The following GLIS3 variants were observed in gnomAD, a reference collection of about 807,000 sequenced individuals.
GLIS3 encodes the protein GLIS family zinc finger 3.
A neutral mutation model predicts 78.6 loss-of-function variants in GLIS3; 53 were observed. That is an observed-to-expected ratio of 0.67 (90% CI 0.54 to 0.85). GLIS3 has a LOEUF of 0.85. GLIS3 is among the 40% of genes least tolerant of loss of function. The pLI, the probability that GLIS3 is intolerant of heterozygous loss-of-function variation, is 0.00. For missense variants in GLIS3, 1,703 were observed against 1,231.1 expected, an observed-to-expected ratio of 1.38 and a Z score of -5.74; for synonymous variants, 684 against 509.9, an observed-to-expected ratio of 1.34 and a Z score of -4.60.
At chr9:4,073,536 G>A (rs1827791775) in intron 4 of GLIS3, among the ~76,000 whole-genome samples, 1 of 152,134 alleles carries the variant, frequency 6.6e-6, no homozygotes, top group African/African-American at 2.4e-5. Flanking sequence ...GGACAGGTAG[G>A]CAAAGCTAGC....
chr9:4,089,213 A>G (rs1017620150), intron 4 of GLIS3, among the ~76,000 whole-genome samples: 7 of 152,214 alleles, frequency 4.6e-5, no homozygotes, highest in African/African-American at 1.7e-4. Context: ...GTGGGGATGC[A>G]CTGATCCATT....
intron 8 of GLIS3, among the ~76,000 whole-genome samples, chr9:3,877,061 T>C (rs371774958): frequency 6.6e-6 from 1 of 152,144 alleles, no homozygotes; most frequent in Non-Finnish European, 1.5e-5. Context: ...TGTCTTATAT[T>C]CTTGTTAAGA....
chr9:3,878,329 A>G (rs1334440084), intron 8 of GLIS3, among the ~76,000 whole-genome samples: 1 of 152,226 alleles, frequency 6.6e-6, no homozygotes, highest in African/African-American at 2.4e-5. Context: ...GGGCAGGAGC[A>G]TATTTTAATA....
chr9:4,056,539 G>C (rs1294814358), intron 4 of GLIS3, among the ~76,000 whole-genome samples: 1 of 152,114 alleles, frequency 6.6e-6, no homozygotes, highest in African/African-American at 2.4e-5. Flanking sequence ...AGCTTTGCAG[G>C]AGACTTTCTA....
At chr9:4,438,394 A>G in the GLIS3 span, among the ~76,000 whole-genome samples, 2 of 152,210 alleles carry the variant, frequency 1.3e-5, no homozygotes, top group African/African-American at 2.4e-5. Flanking sequence ...AATGACAAAT[A>G]GACTTCATTT....
chr9:4,214,152 T>A (rs1037696291), intron 2 of GLIS3, among the ~76,000 whole-genome samples: 4 of 152,140 alleles, frequency 2.6e-5, no homozygotes, highest in Admixed American at 6.5e-5. Context: ...ATGGTGAAAG[T>A]TAATGGAACA....
intron 2 of GLIS3, among the ~76,000 whole-genome samples, chr9:4,198,264 G>A (rs150343782): frequency 0.013 from 2,008 of 152,182 alleles, 23 homozygotes; most frequent in Middle Eastern, 0.085. Context: ...ACTTTGTAAG[G>A]CAATCCAGGA....
chr9:3,918,373 C>T (rs892633578), intron 6 of GLIS3, among the ~76,000 whole-genome samples: 1 of 152,130 alleles, frequency 6.6e-6, no homozygotes, highest in Admixed American at 6.5e-5. Flanking sequence ...TTCAAAGATG[C>T]TTTGAAAAAC....
At chr9:4,208,873 A>G (rs1013497056) in intron 2 of GLIS3, among the ~76,000 whole-genome samples, 13 of 152,270 alleles carry the variant, frequency 8.5e-5, no homozygotes, top group African/African-American at 2.9e-4. Flanking sequence ...CTGTGGCTAG[A>G]AAGCCTCCAG....
At chr9:3,941,322 A>T (rs916662303) in intron 4 of GLIS3, among the ~76,000 whole-genome samples, 1 of 152,134 alleles carries the variant, frequency 6.6e-6, no homozygotes, top group East Asian at 1.9e-4. Flanking sequence ...TCCATCTCTT[A>T]CTGGAGACTC....
chr9:3,852,947 A>C (rs1443868504), intron 9 of GLIS3, among the ~76,000 whole-genome samples: 3 of 152,156 alleles, frequency 2.0e-5, no homozygotes. Flanking sequence ...GGTGACTCAC[A>C]CCTGTAATCC....
the GLIS3 span, among the ~76,000 whole-genome samples, chr9:4,434,505 G>A: frequency 6.6e-6 from 1 of 152,160 alleles, no homozygotes; most frequent in African/African-American, 2.4e-5. Context: ...TAGCATCTCA[G>A]GCAGGGAAAC....
chr9:4,469,329 A>G, the GLIS3 span, among the ~76,000 whole-genome samples: 1 of 152,184 alleles, frequency 6.6e-6, no homozygotes, highest in South Asian at 2.1e-4. Context: ...TCAACAGAAT[A>G]TACATTCTTT....
chr9:4,299,570 A>T lies in GLIS3; in HGVS notation c.-248T>A, dbSNP rs1381426684. On this transcript the variant is annotated 5_prime_UTR_variant, in exon 1 of 11. Coordinates refer to ENST00000381971, the MANE Select transcript of GLIS3 (RefSeq NM_001042413.2). Reference sequence around the variant, plus strand: ...GCTCCGCGGGCTGTGCCTCCTTCGGAAATGAAAACCCCCATCCAAACGGGG... The same window carrying T: ...GCTCCGCGGGCTGTGCCTCCTTCGGTAATGAAAACCCCCATCCAAACGGGG... 6.6e-6 allele frequency: 1 copy of T among 152,554 alleles called. No individual in the cohort carries two copies. Among genetic ancestry groups the T allele is most frequent in the Non-Finnish European group, 1.5e-5 (1 of 68,020 alleles). The allele number at this position is 152,554 out of a possible 1,614,324, so 9.5% of individuals were successfully genotyped here.
chr9:3,934,832 T>C (rs116240558), intron 5 of GLIS3, among the ~76,000 whole-genome samples: 1 of 152,206 alleles, frequency 6.6e-6, no homozygotes, highest in African/African-American at 2.4e-5. Flanking sequence ...GCCAAAAAAG[T>C]AATGTCAGGG....
intron 9 of GLIS3, among the ~76,000 whole-genome samples, chr9:3,844,362 G>A (rs1818912649): frequency 6.6e-6 from 1 of 151,630 alleles, no homozygotes; most frequent in South Asian, 2.1e-4. Flanking sequence ...TCATTAACAT[G>A]TTTAGCCCTG....
chr9:4,277,489 A>C (rs1465819174), intron 2 of GLIS3, among the ~76,000 whole-genome samples: 2 of 152,236 alleles, frequency 1.3e-5, no homozygotes, highest in Non-Finnish European at 2.9e-5. Context: ...AGGTCTTTAC[A>C]AGAGACACCA....
At chr9:4,271,039 C>T (rs995241499) in intron 2 of GLIS3, among the ~76,000 whole-genome samples, 5 of 152,000 alleles carry the variant, frequency 3.3e-5, no homozygotes, top group Admixed American at 6.6e-5. Context: ...CCAACCCTTC[C>T]TCTTCCTCCT....
the GLIS3 span, among the ~76,000 whole-genome samples, chr9:4,421,509 G>A: frequency 6.6e-6 from 1 of 152,150 alleles, no homozygotes; most frequent in African/African-American, 2.4e-5. Context: ...CAGGTTTAGC[G>A]GCGTTTCATC....
Sources: allele counts gnomAD v4.1 joint callset (sites outside exome capture counted in the v4.1 genomes callset), GRCh38; gene constraint gnomAD v4.1.1; transcripts MANE v1.5; gene names NCBI Gene and HGNC (gene_info 2026-07-23, HGNC 2026-07-21).